GPR158: variants seen among roughly 807,000 people sequenced by gnomAD.
The protein encoded by GPR158 is metabotropic glycine receptor.
GPR158 carries 30 observed loss-of-function variants against 78.2 expected under a neutral mutation model. The observed-to-expected ratio is 0.38, with a 90% CI of 0.29 to 0.52. The LOEUF is 0.52. Ranked by LOEUF, GPR158 falls within the 20% of genes least tolerant of loss-of-function variation. The pLI is 0.83. For synonymous variants in GPR158, 581 were observed against 591.1 expected, an observed-to-expected ratio of 0.98 and a Z score of 0.25; for missense variants, 1,463 against 1,523.5, an observed-to-expected ratio of 0.96 and a Z score of 0.66.
At position 25,466,716 on chromosome 10, in the gene GPR158, T is replaced by C. The variant is rs751031748; in HGVS notation, c.1401T>C (p.Phe467=). The change falls in exon 5 of 11, where the codon TTT becomes TTC. Residue 467 remains phenylalanine (F), a synonymous_variant. Transcript: ENST00000376351. The part of the protein sequence containing the change: ...TILFGSLLLY[F]PVVILYFEPS... ...TTTTTGGATCTCTGCTCCTATACTT[T>C]CCAGTAAGTAACAGAATTTTGTTTT... 1.9e-6 allele frequency: 3 copies of C among 1,573,962 alleles called. No individual in the cohort carries two copies. Among genetic ancestry groups the C allele is most frequent in the Non-Finnish European group, 2.6e-6 (3 of 1,151,608 alleles).
intron 6 of GPR158, among the ~76,000 whole-genome samples, chr10:25,564,628 T>C (rs1564491308): frequency 6.6e-6 from 1 of 152,184 alleles, no homozygotes; most frequent in Non-Finnish European, 1.5e-5. Context: ...ATAAGGTCCA[T>C]TGTGCTCCTC....
intron 2 of GPR158, among the ~76,000 whole-genome samples, chr10:25,366,527 C>T (rs1385467262): frequency 6.6e-6 from 1 of 151,670 alleles, no homozygotes; most frequent in African/African-American, 2.4e-5. Flanking sequence ...ATCAAGCTAA[C>T]TAAAATATTA....
At chr10:25,241,329 CT>C (rs1853619401) in intron 2 of GPR158, among the ~76,000 whole-genome samples, 2 of 120,006 alleles carry the variant, frequency 1.7e-5, no homozygotes, top group African/African-American at 7.1e-5. Context: ...CTCTTCTCTT[CT>C]CTTCTCTTTT....
At chr10:25,421,424 C>T (rs531355990) in intron 4 of GPR158, among the ~76,000 whole-genome samples, 1 of 152,186 alleles carries the variant, frequency 6.6e-6, no homozygotes, top group Non-Finnish European at 1.5e-5. Context: ...AAAAGCTGGT[C>T]TAATGGTTAG....
chr10:25,336,944 A>G (rs1855216581), intron 2 of GPR158, among the ~76,000 whole-genome samples: 1 of 152,074 alleles, frequency 6.6e-6, no homozygotes. Context: ...AGACACCTTC[A>G]ATTATATTAC....
intron 2 of GPR158, among the ~76,000 whole-genome samples, chr10:25,302,764 A>G (rs1266198436): frequency 6.6e-6 from 1 of 152,204 alleles, no homozygotes; most frequent in East Asian, 1.9e-4. Flanking sequence ...GTGCTATCTA[A>G]TAGAACTTTC....
intron 5 of GPR158, among the ~76,000 whole-genome samples, chr10:25,528,903 C>T (rs189528413): frequency 7.2e-5 from 11 of 152,130 alleles, no homozygotes; most frequent in African/African-American, 2.7e-4. Flanking sequence ...TGTTAATTGG[C>T]CTAAGGAGAG....
intron 5 of GPR158, among the ~76,000 whole-genome samples, chr10:25,494,586 G>A (rs1344164774): frequency 6.6e-6 from 1 of 152,006 alleles, no homozygotes; most frequent in Admixed American, 6.5e-5. Flanking sequence ...TATAACAATC[G>A]TGTAGTAGTC....
At chr10:25,484,224 A>G (rs1304708330) in intron 5 of GPR158, among the ~76,000 whole-genome samples, 2 of 152,070 alleles carry the variant, frequency 1.3e-5, no homozygotes, top group African/African-American at 4.8e-5. Flanking sequence ...CAGCCTTGGC[A>G]TTGTCTGCTT....
chr10:25,535,602 A>G (rs1836488327), intron 5 of GPR158, among the ~76,000 whole-genome samples: 1 of 152,224 alleles, frequency 6.6e-6, no homozygotes, highest in Admixed American at 6.5e-5. Context: ...GCCTGGATGA[A>G]TGACCCACTG....
At chr10:25,585,463 G>A (rs955024700) in intron 7 of GPR158, among the ~76,000 whole-genome samples, 3 of 152,116 alleles carry the variant, frequency 2.0e-5, no homozygotes, top group African/African-American at 7.2e-5. Flanking sequence ...TTATATGTTG[G>A]GTGGTATTCT....
intron 5 of GPR158, among the ~76,000 whole-genome samples, chr10:25,516,572 T>C (rs1440054757): frequency 3.1e-5 from 4 of 128,142 alleles, no homozygotes; most frequent in African/African-American, 9.4e-5. Flanking sequence ...GGGATCCAGT[T>C]TCAGCTTTCT....
At chr10:25,304,775 T>G (rs1588787491) in intron 2 of GPR158, among the ~76,000 whole-genome samples, 2 of 152,128 alleles carry the variant, frequency 1.3e-5, no homozygotes, top group African/African-American at 4.8e-5. Flanking sequence ...TAGAGGCACC[T>G]CTCTTTGGCA....
chr10:25,588,643 A>G (rs1837301829), intron 7 of GPR158, among the ~76,000 whole-genome samples: 8 of 152,184 alleles, frequency 5.3e-5, no homozygotes, highest in Admixed American at 5.2e-4. Flanking sequence ...TGCCTTGGTA[A>G]CTTTATTGTG....
chr10:25,321,863 T>C lies in GPR158; in HGVS notation c.1009-74048T>C, dbSNP rs182231201. Among the ~76,000 whole-genome samples the C allele has an allele frequency of 7.2e-5, 11 of 152,326 alleles. No homozygotes were observed. The East Asian group carries it at 1.9e-3, about 27-fold the overall frequency. ...TATCAAACTTGTTCATTATCTTATA[T>C]ATTTTTTATTCTAGCATTTCATATT... On this transcript the variant is annotated intron_variant, in intron 2 of 10. Transcript: ENST00000376351.
At chr10:25,525,835 G>A (rs572642505) in intron 5 of GPR158, among the ~76,000 whole-genome samples, 3 of 152,226 alleles carry the variant, frequency 2.0e-5, no homozygotes, top group East Asian at 1.9e-4. Context: ...GGCCAGGCAC[G>A]GTGGCTCTCT....
chr10:25,413,518 T>A (rs1437525390), intron 4 of GPR158, among the ~76,000 whole-genome samples: 1 of 152,336 alleles, frequency 6.6e-6, no homozygotes, highest in East Asian at 1.9e-4. Context: ...TCTGTGCCAT[T>A]TGGAAAGAAA....
chr10:25,450,281 G>C (rs1293942034), intron 4 of GPR158, among the ~76,000 whole-genome samples: 1 of 151,822 alleles, frequency 6.6e-6, no homozygotes, highest in Non-Finnish European at 1.5e-5. Flanking sequence ...AGCCATGGGG[G>C]ACCCAAGGCT....
chr10:25,412,500 C>A, intron 4 of GPR158, 27 bp downstream of exon 4: 2 of 1,487,264 alleles, frequency 1.3e-6, no homozygotes, highest in Non-Finnish European at 1.9e-6. Flanking sequence ...TGGTTATGAT[C>A]CTGTATTACA....
Sources: allele counts gnomAD v4.1 joint callset (sites outside exome capture counted in the v4.1 genomes callset), GRCh38; gene constraint gnomAD v4.1.1; transcripts MANE v1.5; gene names NCBI Gene and HGNC (gene_info 2026-07-23, HGNC 2026-07-21).